STRN: variants seen among roughly 807,000 people sequenced by gnomAD.
STRN encodes protein phosphatase 2 regulatory subunit B'''alpha.
In STRN, 53 loss-of-function variants were observed where a neutral mutation model predicts 96.3. The ratio of observed to expected loss-of-function variants is 0.55; its 90% CI spans 0.44 to 0.69. The LOEUF (loss-of-function observed/expected upper bound fraction) is 0.69. Among genes scored for constraint, STRN ranks in the 30% least tolerant of loss-of-function variants. The pLI is 0.00. For missense variants in STRN, 987 were observed against 963.9 expected, an observed-to-expected ratio of 1.02 and a Z score of -0.32; for synonymous variants, 428 against 355.9, an observed-to-expected ratio of 1.20 and a Z score of -2.28.
At chr2:36,908,031 C>A (rs1279529847) in intron 3 of STRN, among the ~76,000 whole-genome samples, 1 of 152,066 alleles carries the variant, frequency 6.6e-6, no homozygotes, top group Admixed American at 6.6e-5. Flanking sequence ...AAAAACGCTG[C>A]CCCCAAACTA....
At chr2:36,925,306 A>G in intron 1 of STRN, 98 bp from the exon 2 acceptor site, 1 of 748,088 alleles carries the variant, frequency 1.3e-6, no homozygotes, top group Non-Finnish European at 2.3e-6. Context: ...AATTAGATGC[A>G]AAAATATTTC....
At chr2:36,860,255 A>C (rs1668442380) in intron 13 of STRN, among the ~76,000 whole-genome samples, 1 of 152,204 alleles carries the variant, frequency 6.6e-6, no homozygotes, top group Non-Finnish European at 1.5e-5. Flanking sequence ...GAATAAAGTC[A>C]AAATGGGAAG....
At position 36,842,467 on chromosome 2, in the gene STRN, GAA is replaced by G. The variant is rs1220717173; in HGVS notation, c.*6987_*6988del. The G allele has an allele frequency of 2.0e-5, 3 of 152,150 alleles. No individual in the cohort carries two copies. Among genetic ancestry groups the G allele is most frequent in the African/African-American group, 7.2e-5 (3 of 41,436 alleles). The allele number at this position is 152,150 out of a possible 1,614,324, so 9.4% of individuals were successfully genotyped here. On this transcript the variant is annotated 3_prime_UTR_variant, in exon 18 of 18. Coordinates refer to ENST00000263918, the MANE Select transcript of STRN (RefSeq NM_003162.4). ...GGTTAATTACCTAAAGAGGGACACA[GAA>G]AAAGTCAATGTGGAGCTGGCATCTG...
chr2:36,944,247 G>C (rs1670923631), intron 1 of STRN, among the ~76,000 whole-genome samples: 2 of 152,118 alleles, frequency 1.3e-5, no homozygotes, highest in African/African-American at 4.8e-5. Context: ...AAGCAATGCA[G>C]ATATAACGAA....
intron 1 of STRN, among the ~76,000 whole-genome samples, chr2:36,949,397 G>C (rs1281475470): frequency 6.6e-6 from 1 of 151,790 alleles, no homozygotes; most frequent in African/African-American, 2.4e-5. Flanking sequence ...ACCTATAACA[G>C]GCAAAAATAA....
chr2:36,882,019 G>C (rs1356570992), intron 9 of STRN, among the ~76,000 whole-genome samples: 1 of 152,102 alleles, frequency 6.6e-6, no homozygotes, highest in Non-Finnish European at 1.5e-5. Flanking sequence ...TCTACAGTGT[G>C]ATGTGTTGAT....
chr2:36,893,103 A>T (rs1443406873), intron 7 of STRN, among the ~76,000 whole-genome samples: 3 of 152,202 alleles, frequency 2.0e-5, no homozygotes, highest in Non-Finnish European at 4.4e-5. Flanking sequence ...TGAGCTAGAA[A>T]GAAAAACAAT....
At chr2:36,964,574 T>C (rs748340843) in intron 1 of STRN, among the ~76,000 whole-genome samples, 5 of 152,098 alleles carry the variant, frequency 3.3e-5, no homozygotes, top group Non-Finnish European at 5.9e-5. Flanking sequence ...ACAATAGGAA[T>C]GAAAAAGTTG....
At chr2:36,953,132 C>T (rs1664801434) in intron 1 of STRN, among the ~76,000 whole-genome samples, 1 of 152,182 alleles carries the variant, frequency 6.6e-6, no homozygotes, top group Non-Finnish European at 1.5e-5. Flanking sequence ...ATTCCCCCGG[C>T]CCTTTCCTTG....
rs764635946 is a variant in STRN, at chr2:36,849,740, G to C, written c.2147C>G (p.Pro716Arg). ...GCCAGACATCAAGTAAAGGCCATTG[G>C]GATCAACTGCTAAACTTGTAACAGC... ...LEAVTSLAVDPNGLYLMSGSH... is the reference protein window; with the variant it reads ...LEAVTSLAVDRNGLYLMSGSH... Residue 716 changes from proline to arginine, a missense_variant, in exon 17 of 18, where the codon CCC becomes CGC. Transcript: ENST00000263918. 1.9e-6 allele frequency: 3 copies of C among 1,613,952 alleles called. No homozygotes were observed. Among genetic ancestry groups the C allele is most frequent in the Non-Finnish European group, 1.7e-6 (2 of 1,179,988 alleles).
At chr2:36,954,493 C>T (rs1417713058) in intron 1 of STRN, among the ~76,000 whole-genome samples, 1 of 129,694 alleles carries the variant, frequency 7.7e-6, no homozygotes, top group Admixed American at 8.7e-5. Flanking sequence ...GCCTGGGCGA[C>T]AGAGTAAAGC....
intron 6 of STRN, among the ~76,000 whole-genome samples, chr2:36,896,999 C>G (rs1572656952): frequency 1.3e-5 from 2 of 152,108 alleles, no homozygotes; most frequent in Admixed American, 6.5e-5. Context: ...GAAACCCTGT[C>G]TCTACTAAAA....
Position 36,848,502 on chromosome 2 carries a change from G to GATAA in STRN, c.*950_*953dup, listed in dbSNP as rs944240410. On this transcript the variant is annotated 3_prime_UTR_variant, in exon 18 of 18. Coordinates refer to ENST00000263918, the MANE Select transcript of STRN (RefSeq NM_003162.4). ...TCTGAAGCATGATTAGGTGGGTGTT[G>GATAA]ATAAATGATTATTAGCAAATAAATT... 5.9e-5 allele frequency: 9 copies of GATAA among 152,118 alleles called. No homozygotes were observed. The highest frequency in any genetic ancestry group is 9.7e-5 in the African/African-American group (4 of 41,420). 9.4% of individuals were successfully genotyped at this position (152,118 alleles called of 1,614,324 possible).
chr2:36,966,310 T>C lies in STRN; in HGVS notation c.154A>G (p.Ile52Val). The change falls in exon 1 of 18, where the codon ATC becomes GTC. Residue 52 changes from isoleucine (I) to valine (V), a missense_variant. Coordinates refer to ENST00000263918, the MANE Select transcript of STRN (RefSeq NM_003162.4). ...CACTCGTGCTGCAGGAAGTGCAGGA[T>C]CCCCGGGAGACTGTACTGGGCTCGG... The part of the protein sequence containing the change: ...AARAQYSLPG[I>V]LHFLQHEWAR... The C allele has an allele frequency of 6.4e-7, 1 of 1,567,318 alleles. No individual in the cohort carries two copies. Among genetic ancestry groups the C allele is most frequent in the Non-Finnish European group, 8.6e-7 (1 of 1,159,556 alleles).
chr2:36,861,157 G>C lies in STRN; in HGVS notation c.1644C>G (p.Pro548=). ...GLIQGWNTTN[P]NIDPYDSYDP... is the part of the protein sequence containing the mutation. ...CATAAGAATCATAGGGGTCGATGTT[G>C]GGATTAGTGGTATTCCAGCCCTGGA... is the stretch of plus-strand genomic sequence containing the variant. Residue 548 remains proline, a synonymous_variant, in exon 13 of 18, where the codon CCC becomes CCG. Coordinates refer to ENST00000263918, the MANE Select transcript of STRN (RefSeq NM_003162.4). The C allele has an allele frequency of 6.2e-7, 1 of 1,613,908 alleles. No individual in the cohort carries two copies. Among genetic ancestry groups the C allele is most frequent in the Non-Finnish European group, 8.5e-7 (1 of 1,179,936 alleles).
In STRN at chr2:36,849,608, G is replaced by A. The variant is rs562258179; in HGVS notation, c.2191C>T (p.Arg731Cys). The A allele has an allele frequency of 3.1e-6, 5 of 1,613,798 alleles. No homozygotes were observed. The highest frequency in any genetic ancestry group is 4.2e-6 in the Non-Finnish European group (5 of 1,179,948). The change falls in exon 18 of 18, where the codon CGT becomes TGT. Residue 731 changes from arginine to cysteine, a missense_variant. Physicochemically the swap from Arg to Cys is radical, Grantham distance 180. Transcript: ENST00000263918. ...GTCTTACTTTCTAGATTCCATAAACGTATTGAACAGTCATGACCTATATCC... is the reference window on the plus strand; with the variant it reads ...GTCTTACTTTCTAGATTCCATAAACATATTGAACAGTCATGACCTATATCC... The part of the protein sequence containing the change: ...LMSGSHDCSI[R>C]LWNLESKTCI...
chr2:36,901,425 G>A (rs1049361792), intron 5 of STRN, among the ~76,000 whole-genome samples: 6 of 151,912 alleles, frequency 3.9e-5, no homozygotes, highest in Non-Finnish European at 5.9e-5. Flanking sequence ...GGTGGCACGC[G>A]CCTGTAGTCT....
At chr2:36,943,570 T>C (rs1670900676) in intron 1 of STRN, among the ~76,000 whole-genome samples, 1 of 150,796 alleles carries the variant, frequency 6.6e-6, no homozygotes, top group Non-Finnish European at 1.5e-5. Context: ...TTCGGGAGGC[T>C]GAGGCGGGAG....
At chr2:36,886,219 C>T (rs1320934490) in intron 8 of STRN, among the ~76,000 whole-genome samples, 1 of 152,054 alleles carries the variant, frequency 6.6e-6, no homozygotes, top group East Asian at 1.9e-4. Flanking sequence ...TGACTCTGTG[C>T]CCTGTATAGC....
Sources: gnomAD v4.1 joint callset for allele counts (sites outside exome capture counted in the v4.1 genomes callset) on GRCh38, gnomAD v4.1.1 for gene constraint, MANE v1.5 for transcripts, NCBI Gene and HGNC (gene_info 2026-07-23, HGNC 2026-07-21) for gene names.